MYO1B: variants seen among roughly 807,000 people sequenced by gnomAD.
The protein encoded by MYO1B is myosin IB, also known as unconventional myosin-Ib.
Under a neutral mutation model 159.7 loss-of-function variants are expected in MYO1B, and 72 were observed. The observed-to-expected ratio is 0.45, with a 90% CI of 0.37 to 0.55. The LOEUF (loss-of-function observed/expected upper bound fraction) is 0.55, where lower values mean the gene tolerates loss of function less well. Among genes scored for constraint, MYO1B ranks in the 20% least tolerant of loss-of-function variants. MYO1B has a pLI of 0.00. For missense variants in MYO1B, 1,062 were observed against 1,364.8 expected (o/e 0.78, Z 3.50); for synonymous variants, 468 against 473.8 (o/e 0.99, Z 0.16).
At chr2:191,339,848 C>A (rs1009928006) in intron 4 of MYO1B, among the ~76,000 whole-genome samples, 8 of 152,170 alleles carry the variant, frequency 5.3e-5, no homozygotes, top group African/African-American at 1.9e-4. Flanking sequence ...CAAAAGCCCT[C>A]AGGAATACGT....
At chr2:191,419,219 C>G (rs535676990) in intron 30 of MYO1B, among the ~76,000 whole-genome samples, 1 of 151,966 alleles carries the variant, frequency 6.6e-6, no homozygotes, top group Non-Finnish European at 1.5e-5. Context: ...ATTTATTATA[C>G]TATACTTTTT....
chr2:191,399,137 G>A (rs1417822630), intron 21 of MYO1B, among the ~76,000 whole-genome samples: 1 of 152,126 alleles, frequency 6.6e-6, no homozygotes, highest in Non-Finnish European at 1.5e-5. Context: ...GTGGCGGCAC[G>A]CACCTGCAAT....
chr2:191,404,852 T>TG (rs1696817137), intron 24 of MYO1B, among the ~76,000 whole-genome samples: 1 of 152,126 alleles, frequency 6.6e-6, no homozygotes, highest in Non-Finnish European at 1.5e-5. Flanking sequence ...TGGTGGAGAG[T>TG]CTTGGCTTAT....
At chr2:191,258,766 A>G (rs947885587) in intron 1 of MYO1B, among the ~76,000 whole-genome samples, 4 of 152,242 alleles carry the variant, frequency 2.6e-5, no homozygotes, top group Non-Finnish European at 5.9e-5. Flanking sequence ...TAGCCTAGGC[A>G]TGCCAAGGGT....
At chr2:191,389,356 T>C (rs1480267679) in intron 17 of MYO1B, among the ~76,000 whole-genome samples, 1 of 152,200 alleles carries the variant, frequency 6.6e-6, no homozygotes, top group East Asian at 1.9e-4. Flanking sequence ...AAGCTAGCAA[T>C]GATTTAAGCA....
intron 7 of MYO1B, among the ~76,000 whole-genome samples, chr2:191,352,598 T>C (rs1223775691): frequency 1.3e-5 from 2 of 152,226 alleles, no homozygotes; most frequent in Non-Finnish European, 2.9e-5. Context: ...TTAAGATTAA[T>C]ATATCTTCAT....
chr2:191,267,594 A>G (rs917345158), intron 1 of MYO1B, among the ~76,000 whole-genome samples: 17 of 152,212 alleles, frequency 1.1e-4, no homozygotes, highest in African/African-American at 4.1e-4. Flanking sequence ...AGGAATGAAA[A>G]TCAGCCATCA....
At chr2:191,277,569 G>A (rs532330117) in intron 2 of MYO1B, among the ~76,000 whole-genome samples, 2 of 152,288 alleles carry the variant, frequency 1.3e-5, no homozygotes, top group East Asian at 1.9e-4. Context: ...GCATAAATAT[G>A]TATATGCTAT....
rs150702390 is a variant in MYO1B, at chr2:191,295,114, G to A, written c.136-997G>A. 2.8e-3 allele frequency among the ~76,000 whole-genome samples: 424 copies of A among 151,774 alleles called. 3 individuals carry two copies. The highest frequency in any genetic ancestry group is 0.02 in the Middle Eastern group (6 of 294). On this transcript the variant is annotated intron_variant, in intron 2 of 30. Coordinates refer to ENST00000392318, the MANE Select transcript of MYO1B (RefSeq NM_001130158.3). The stretch of plus-strand genomic sequence containing the variant: ...CCTTTTTCTTTTTAAAAGTTATATC[G>A]CTCATCACTTTATCACTTAGTTTAT...
chr2:191,325,219 A>G (rs891496909), intron 3 of MYO1B, among the ~76,000 whole-genome samples: 20 of 152,196 alleles, frequency 1.3e-4, no homozygotes, highest in African/African-American at 4.8e-4. Flanking sequence ...AGGAAAAGAA[A>G]TAGTGGAGAC....
At chr2:191,420,705 T>C (rs1415783332) in intron 30 of MYO1B, among the ~76,000 whole-genome samples, 1 of 152,234 alleles carries the variant, frequency 6.6e-6, no homozygotes, top group African/African-American at 2.4e-5. Context: ...AGTGAATTTG[T>C]TTCATTAAAC....
rs144427750 is a variant in MYO1B at position 191,291,694 on chromosome 2, G to A, written c.136-4417G>A. On this transcript the variant is annotated intron_variant, in intron 2 of 30. Transcript: ENST00000392318. ...GTTGGTTTACCATCCTTTTTAGAGC[G>A]TGATGCAATAAGAAAATACCAACTG... 9.9e-5 allele frequency among the ~76,000 whole-genome samples: 15 copies of A among 152,260 alleles called. No homozygotes were observed. The East Asian group carries it at 2.1e-3, about 22-fold the overall frequency.
chr2:191,363,687 C>G, intron 9 of MYO1B, 41 bp from the exon 10 acceptor site: 2 of 1,560,960 alleles, frequency 1.3e-6, no homozygotes, highest in South Asian at 2.4e-5. Context: ...AAGAAAATAA[C>G]TATAAGAAAA....
intron 29 of MYO1B, among the ~76,000 whole-genome samples, chr2:191,415,577 A>G (rs1430365119): frequency 6.7e-6 from 1 of 149,352 alleles, no homozygotes; most frequent in Admixed American, 6.6e-5. Flanking sequence ...GGGCACAAGC[A>G]TCATGTTTTT....
At chr2:191,380,994 A>C (rs906246883) in intron 13 of MYO1B, 47 of 262,170 alleles carry the variant, frequency 1.8e-4, no homozygotes, top group Non-Finnish European at 2.8e-4. Context: ...CATGATTTAC[A>C]AAAAGGGTTA....
intron 30 of MYO1B, chr2:191,416,529 A>C (rs576623925): frequency 6.4e-4 from 208 of 322,844 alleles, no homozygotes; most frequent in African/African-American, 4.2e-3. Flanking sequence ...AGAGTCAGAG[A>C]GTAGGCCAGG....
intron 3 of MYO1B, among the ~76,000 whole-genome samples, chr2:191,312,766 A>G (rs994055199): frequency 6.6e-6 from 1 of 152,194 alleles, no homozygotes; most frequent in Non-Finnish European, 1.5e-5. Context: ...TATAAATAGA[A>G]GTTCTGATGT....
chr2:191,326,357 G>A (rs1180285319), intron 3 of MYO1B, among the ~76,000 whole-genome samples: 1 of 151,888 alleles, frequency 6.6e-6, no homozygotes, highest in Non-Finnish European at 1.5e-5. Context: ...GAGGGGGTTT[G>A]TGTTCTTTGG....
In MYO1B at chr2:191,254,543, T is replaced by C. The variant is rs186367465; in HGVS notation, c.-10+8917T>C. On this transcript the variant is annotated intron_variant, in intron 1 of 30. Transcript: ENST00000392318. ...TTTTTTAGAGACAAGTCTGGCTCTG[T>C]TGCATAGGCTGGAATGCAATGGCAT... Among the ~76,000 whole-genome samples the C allele has an allele frequency of 3.4e-4, 51 of 152,090 alleles. 1 individual carries two copies. In the East Asian group the frequency reaches 7.2e-3, roughly 21 times the overall value.
Sources: allele counts gnomAD v4.1 joint callset (sites outside exome capture counted in the v4.1 genomes callset), GRCh38; gene constraint gnomAD v4.1.1; transcripts MANE v1.5; gene names NCBI Gene and HGNC (gene_info 2026-07-23, HGNC 2026-07-21).